The following PRRG4 variants were observed in gnomAD, a reference collection of about 807,000 sequenced individuals.
PRRG4 encodes the protein proline rich and Gla domain 4.
PRRG4 carries 12 observed loss-of-function variants against 20.0 expected under a neutral mutation model. That is an observed-to-expected ratio of 0.60 (90% CI 0.38 to 0.97). The LOEUF is 0.97. Ranked by LOEUF, PRRG4 falls within the 50% of genes least tolerant of loss-of-function variation. The probability of loss-of-function intolerance (pLI) is 0.00; values close to 1 mark genes in which losing one functional copy is unlikely to be tolerated. For missense variants in PRRG4, 199 were observed against 265.1 expected, an observed-to-expected ratio of 0.75 and a Z score of 1.73; for synonymous variants, 94 against 96.4, an observed-to-expected ratio of 0.98 and a Z score of 0.15.
rs757789568 is a variant in PRRG4, at chr11:32,857,694, A to G, written c.*4167A>G. ...ACAAAAACTCAATTTCACATTACTC[A>G]TATTGTTTTTGTTTTAATTGAATGT... On this transcript the variant is annotated 3_prime_UTR_variant, in exon 6 of 6. Transcript: ENST00000257836. 9 of 152,148 alleles carry G rather than the reference A, an allele frequency of 5.9e-5. No homozygotes were observed. The highest frequency in any genetic ancestry group is 1.2e-4 in the Non-Finnish European group (8 of 68,016). 9.4% of individuals were successfully genotyped at this position (152,148 alleles called of 1,614,324 possible). A position where few individuals can be genotyped will look rare whatever the true frequency, so the allele number is the denominator to read the frequency against.
chr11:32,832,637 TC>T (rs1347851224), intron 2 of PRRG4, among the ~76,000 whole-genome samples: 1 of 151,998 alleles, frequency 6.6e-6, no homozygotes. Flanking sequence ...CGCACCACTG[TC>T]CCAGCTAATT....
chr11:32,855,168 T>C lies in PRRG4; in HGVS notation c.*1641T>C, dbSNP rs1851219804. 1 of 152,200 alleles carries C rather than the reference T, an allele frequency of 6.6e-6. No homozygotes were observed. Among genetic ancestry groups the C allele is most frequent in the Non-Finnish European group, 1.5e-5 (1 of 68,012 alleles). 9.4% of individuals were successfully genotyped at this position (152,200 alleles called of 1,614,324 possible). On this transcript the variant is annotated 3_prime_UTR_variant, in exon 6 of 6. Coordinates refer to ENST00000257836, the MANE Select transcript of PRRG4 (RefSeq NM_024081.6). Reference sequence around the variant, plus strand: ...ACACAAAAGGAAAACACCATAATCATATAAACCCATTCTTTGTCTCTTCTT... The same window carrying C: ...ACACAAAAGGAAAACACCATAATCACATAAACCCATTCTTTGTCTCTTCTT...
intron 3 of PRRG4, among the ~76,000 whole-genome samples, chr11:32,837,541 G>GATGATGATGATGATT (rs1303509427): frequency 4.2e-5 from 4 of 95,860 alleles, no homozygotes; most frequent in African/African-American, 1.6e-4. Context: ...TGATGATGAT[G>GATGATGATGATGATT]ATTATTATTA....
rs748997102 is a variant in PRRG4, at chr11:32,836,617, A to G, written c.104-41A>G. 35 of 1,224,768 alleles carry G rather than the reference A, an allele frequency of 2.9e-5. No homozygotes were observed. The South Asian group carries it at 5.3e-4, about 18-fold the overall frequency. 75.9% of individuals were successfully genotyped at this position (1,224,768 alleles called of 1,614,324 possible). A position where few individuals can be genotyped will look rare whatever the true frequency, so the allele number is the denominator to read the frequency against. On this transcript the variant is annotated intron_variant, in intron 2 of 5. Transcript: ENST00000257836. ...CAATTAAAACAGGAATTTTTTGACT[A>G]TATTTGATCAATGTTTAAGTCTTTT... is the stretch of plus-strand genomic sequence containing the variant.
chr11:32,854,504 G>A lies in PRRG4; in HGVS notation c.*977G>A, dbSNP rs1211216353. 6 of 149,588 alleles carry A rather than the reference G, an allele frequency of 4.0e-5. No individual in the cohort carries two copies. The highest frequency in any genetic ancestry group is 1.5e-4 in the African/African-American group (6 of 40,418). 9.3% of individuals were successfully genotyped at this position (149,588 alleles called of 1,614,324 possible). On this transcript the variant is annotated 3_prime_UTR_variant, in exon 6 of 6. Coordinates refer to ENST00000257836, the MANE Select transcript of PRRG4 (RefSeq NM_024081.6). ...ACTCGGGAGGTGGAGGTTGTAGTGA[G>A]GCGAGATTGTGCCATTGCACTCCAA...
At position 32,853,864 on chromosome 11, in the gene PRRG4, A is replaced by G. The variant is rs779555759; in HGVS notation, c.*337A>G. 6 of 191,644 alleles carry G rather than the reference A, an allele frequency of 3.1e-5. No homozygotes were observed. Among genetic ancestry groups the G allele is most frequent in the Non-Finnish European group, 6.6e-5 (6 of 91,496 alleles). The allele number at this position is 191,644 out of a possible 1,614,324, so 11.9% of individuals were successfully genotyped here. Reference sequence around the variant, plus strand: ...AAAAAAAGAAAGAAAGAAAAGAAGAAGAAAAGAGAAGAAGGAGAAGGAGAT... The same window carrying G: ...AAAAAAAGAAAGAAAGAAAAGAAGAGGAAAAGAGAAGAAGGAGAAGGAGAT... On this transcript the variant is annotated 3_prime_UTR_variant, in exon 6 of 6. Coordinates refer to ENST00000257836, the MANE Select transcript of PRRG4 (RefSeq NM_024081.6).
At chr11:32,839,884 T>C (rs981633936) in intron 4 of PRRG4, among the ~76,000 whole-genome samples, 5 of 147,432 alleles carry the variant, frequency 3.4e-5, no homozygotes, top group Non-Finnish European at 7.5e-5. Flanking sequence ...AATAAATAAA[T>C]ATATTTATAT....
chr11:32,842,685 A>C (rs940163322), intron 5 of PRRG4, among the ~76,000 whole-genome samples: 3 of 152,040 alleles, frequency 2.0e-5, no homozygotes, highest in Non-Finnish European at 4.4e-5. Context: ...AAGCCATTGC[A>C]CTCTAGCCTA....
In PRRG4 at chr11:32,840,072, GTTATAT is replaced by G; in HGVS notation, c.317-30_317-25del. On this transcript the variant is annotated intron_variant, in intron 4 of 5. Transcript: ENST00000257836. This position sits in a 1 kb window ranked among gnomAD's most constrained non-coding sequence, Gnocchi z 4.1. ...AAATCATAGGTGATGCTATATAGTT[GTTATAT>G]TTATGTTATTTTAATGATTTATTTT... 1 of 1,485,982 alleles carries G rather than the reference GTTATAT, an allele frequency of 6.7e-7. No individual in the cohort carries two copies. Among genetic ancestry groups the G allele is most frequent in the African/African-American group, 1.4e-5 (1 of 72,222 alleles). The allele number at this position is 1,485,982 out of a possible 1,614,324, so 92.0% of individuals were successfully genotyped here.
At chr11:32,851,003 G>A (rs2133451182) in intron 5 of PRRG4, among the ~76,000 whole-genome samples, 1 of 152,298 alleles carries the variant, frequency 6.6e-6, no homozygotes, top group Non-Finnish European at 1.5e-5. Context: ...AACCTGGGAG[G>A]TGGAGGTTGC....
At position 32,844,825 on chromosome 11, in the gene PRRG4, A is replaced by C. The variant is rs148757350; in HGVS notation, c.449+4586A>C. Among the ~76,000 whole-genome samples the C allele has an allele frequency of 4.5e-3, 686 of 152,234 alleles. 16 individuals are homozygous for C. Among genetic ancestry groups the C allele is most frequent in the East Asian group, 0.031 (162 of 5,172 alleles). ...CCAGCTATTATTATTATGAATTTGCAAACTAAGATTTTTCTAAAAAGCTTT... is the reference window on the plus strand; with the variant it reads ...CCAGCTATTATTATTATGAATTTGCCAACTAAGATTTTTCTAAAAAGCTTT... On this transcript the variant is annotated intron_variant, in intron 5 of 5. Coordinates refer to ENST00000257836, the MANE Select transcript of PRRG4 (RefSeq NM_024081.6).
chr11:32,834,627 G>A (rs1851003406), intron 2 of PRRG4, among the ~76,000 whole-genome samples: 1 of 151,900 alleles, frequency 6.6e-6, no homozygotes, highest in Non-Finnish European at 1.5e-5. Context: ...AAAGTAATAG[G>A]TGAAATTAAT....
intron 2 of PRRG4, among the ~76,000 whole-genome samples, chr11:32,832,105 CTG>C (rs1032798014): frequency 1.3e-5 from 2 of 152,154 alleles, no homozygotes; most frequent in Non-Finnish European, 2.9e-5. Flanking sequence ...CTGGAGATGT[CTG>C]TGGAAATGTG....
upstream of PRRG4, chr11:32,829,836 G>T: frequency 1.0e-6 from 1 of 985,408 alleles, no homozygotes; most frequent in Non-Finnish European, 1.2e-6. Context: ...GGGAGACGCC[G>T]GCCCACTGCC....
chr11:32,845,225 T>TA (rs1181403495), intron 5 of PRRG4, among the ~76,000 whole-genome samples: 2 of 152,200 alleles, frequency 1.3e-5, no homozygotes, highest in Non-Finnish European at 2.9e-5. Context: ...GTACTCTCAG[T>TA]ATTTGTATAG....
rs1296602304 is a variant in PRRG4 at position 32,853,653 on chromosome 11, C to T, written c.*126C>T. The T allele has an allele frequency of 2.6e-5, 18 of 705,522 alleles. No homozygotes were observed. In the East Asian group the frequency reaches 4.6e-4, roughly 18 times the overall value. The allele number at this position is 705,522 out of a possible 1,614,324, so 43.7% of individuals were successfully genotyped here. A position where few individuals can be genotyped will look rare whatever the true frequency, so the allele number is the denominator to read the frequency against. Reference sequence around the variant, plus strand: ...GACCAGCCTGGCCAACATGGTGAAACCCGGTCTCTACTAAAAATTCAAAAA... The same window carrying T: ...GACCAGCCTGGCCAACATGGTGAAATCCGGTCTCTACTAAAAATTCAAAAA... On this transcript the variant is annotated 3_prime_UTR_variant, in exon 6 of 6. Coordinates refer to ENST00000257836, the MANE Select transcript of PRRG4 (RefSeq NM_024081.6).
intron 4 of PRRG4, 92 bp downstream of exon 4, chr11:32,839,022 C>A: frequency 1.1e-6 from 1 of 877,200 alleles, no homozygotes; most frequent in Non-Finnish European, 1.9e-6. Context: ...GGTTGTTGCG[C>A]AACATACATA....
At chr11:32,850,053 C>T (rs913464680) in intron 5 of PRRG4, among the ~76,000 whole-genome samples, 1 of 152,206 alleles carries the variant, frequency 6.6e-6, no homozygotes, top group Non-Finnish European at 1.5e-5. Flanking sequence ...GAGTAATCCA[C>T]AAGATAATGA....
At position 32,855,575 on chromosome 11, in the gene PRRG4, T is replaced by G. The variant is rs1851222666; in HGVS notation, c.*2048T>G. The G allele has an allele frequency of 6.6e-6, 1 of 152,232 alleles. No individual in the cohort carries two copies. Among genetic ancestry groups the G allele is most frequent in the Non-Finnish European group, 1.5e-5 (1 of 68,032 alleles). 9.4% of individuals were successfully genotyped at this position (152,232 alleles called of 1,614,324 possible). ...GTGTATGTCTCTCTTTTAAGATGCATCATCTTAAGGCAGATAAAAGTAAGT... is the reference window on the plus strand; with the variant it reads ...GTGTATGTCTCTCTTTTAAGATGCAGCATCTTAAGGCAGATAAAAGTAAGT... On this transcript the variant is annotated 3_prime_UTR_variant, in exon 6 of 6. Transcript: ENST00000257836.
Sources: gnomAD v4.1 joint callset for allele counts (sites outside exome capture counted in the v4.1 genomes callset) on GRCh38, gnomAD v4.1.1 for gene constraint, Gnocchi (gnomAD v3.1) non-coding constraint, MANE v1.5 for transcripts, NCBI Gene and HGNC (gene_info 2026-07-23, HGNC 2026-07-21) for gene names.